Variants in DYRK4 observed in about 807,000 individuals in gnomAD.
DYRK4 encodes the protein dual specificity tyrosine phosphorylation regulated kinase 4.
DYRK4 carries 64 observed loss-of-function variants against 68.3 expected under a neutral mutation model. That is an observed-to-expected ratio of 0.94 (90% CI 0.77 to 1.15). The LOEUF is 1.15. Among genes scored for constraint, DYRK4 ranks in the 50% most tolerant of loss-of-function variants. The pLI is 0.00. For synonymous variants in DYRK4, 274 were observed against 289.9 expected (o/e 0.95, Z 0.56); for missense variants, 740 against 764.7 (o/e 0.97, Z 0.38).
At chr12:4,597,488 A>G (rs1264240959) in intron 8 of DYRK4, among the ~76,000 whole-genome samples, 2 of 152,254 alleles carry the variant, frequency 1.3e-5, no homozygotes, top group African/African-American at 4.8e-5. Flanking sequence ...ATTTCTGGTT[A>G]TTACAAAGCG....
chr12:4,613,378 G>A lies in DYRK4; in HGVS notation c.1667-137G>A. ...TGCTTAGAATAATGCCCGGCACATT[G>A]GAGGTGCTTTACAAATGAACTGTTT... On this transcript the variant is annotated intron_variant, in intron 14 of 14. Transcript: ENST00000543431. The surrounding 1 kb of genome is among the most constrained non-coding windows in gnomAD (Gnocchi z 4.0). 1 of 1,113,204 alleles carries A rather than the reference G, an allele frequency of 9.0e-7. No homozygotes were observed. Among genetic ancestry groups the A allele is most frequent in the East Asian group, 2.5e-5 (1 of 39,412 alleles). 69.0% of individuals were successfully genotyped at this position (1,113,204 alleles called of 1,614,324 possible). A position where few individuals can be genotyped will look rare whatever the true frequency, so the allele number is the denominator to read the frequency against.
chr12:4,596,904 C>A, intron 8 of DYRK4, 175 bp downstream of exon 8: 1 of 1,450,454 alleles, frequency 6.9e-7, no homozygotes, highest in Non-Finnish European at 9.0e-7. Flanking sequence ...TGAAAGCAGG[C>A]CATCTTGGTA....
At chr12:4,573,154 A>G in intron 2 of DYRK4, 1 of 432,862 alleles carries the variant, frequency 2.3e-6, no homozygotes, top group Non-Finnish European at 4.0e-6. Context: ...AACTAGAAGA[A>G]CTTGTAATGA....
intron 2 of DYRK4, among the ~76,000 whole-genome samples, chr12:4,568,872 T>C (rs1362001728): frequency 6.6e-6 from 1 of 152,218 alleles, no homozygotes; most frequent in African/African-American, 2.4e-5. Flanking sequence ...AATTTCTTAG[T>C]TTGTTCAAAA....
At chr12:4,568,614 G>A (rs982704515) in intron 2 of DYRK4, among the ~76,000 whole-genome samples, 2 of 152,090 alleles carry the variant, frequency 1.3e-5, no homozygotes, top group Non-Finnish European at 1.5e-5. Flanking sequence ...TCGAACTCCC[G>A]ACCTCAAGTG....
At chr12:4,565,387 C>T (rs1321522509) in intron 1 of DYRK4, among the ~76,000 whole-genome samples, 1 of 151,994 alleles carries the variant, frequency 6.6e-6, no homozygotes, top group Non-Finnish European at 1.5e-5. Context: ...AATTTAGACC[C>T]CAAAGGGACT....
chr12:4,602,821 C>T (rs1591804857), intron 10 of DYRK4: 5 of 1,372,872 alleles, frequency 3.6e-6, no homozygotes, highest in East Asian at 2.3e-5. Context: ...GTGACAGGAG[C>T]ATATTTTCTT....
intron 10 of DYRK4, chr12:4,603,527 G>A (rs541795797): frequency 2.5e-4 from 54 of 219,936 alleles, no homozygotes; most frequent in Admixed American, 4.7e-4. Context: ...TCACAGAGAC[G>A]GCCAGGGGAG....
intron 2 of DYRK4, among the ~76,000 whole-genome samples, chr12:4,569,871 G>A (rs1944713402): frequency 6.6e-6 from 1 of 151,902 alleles, no homozygotes; most frequent in Admixed American, 6.6e-5. Context: ...TTCAAAGAAA[G>A]CAAACTCTGT....
chr12:4,571,195 G>A (rs1353466089), intron 2 of DYRK4, among the ~76,000 whole-genome samples: 1 of 152,170 alleles, frequency 6.6e-6, no homozygotes, highest in Non-Finnish European at 1.5e-5. Flanking sequence ...TGTTAATTTA[G>A]GATATTACAT....
At chr12:4,572,789 T>A (rs1228116625) in intron 2 of DYRK4, 1 of 154,524 alleles carries the variant, frequency 6.5e-6, no homozygotes, top group Non-Finnish European at 1.4e-5. Flanking sequence ...TGGCACATGT[T>A]GGAAGCCCGA....
In DYRK4 at chr12:4,592,984, G is replaced by A. The variant is rs1305187218; in HGVS notation, c.464-18G>A. 2 of 1,610,436 alleles carry A rather than the reference G, an allele frequency of 1.2e-6. No homozygotes were observed. Among genetic ancestry groups the A allele is most frequent in the East Asian group, 2.2e-5 (1 of 44,800 alleles). ...TGCTGCCTCAACTGAACTCACAATT[G>A]TAGTGTTTTTCACACAGAGGCCCTA... On this transcript the variant is annotated intron_variant, in intron 5 of 14. Coordinates refer to ENST00000543431, the MANE Select transcript of DYRK4 (RefSeq NM_001394779.1).
At chr12:4,586,725 C>G (rs1027686877) in intron 2 of DYRK4, among the ~76,000 whole-genome samples, 1 of 116,518 alleles carries the variant, frequency 8.6e-6, no homozygotes, top group Non-Finnish European at 1.9e-5. Flanking sequence ...CACACACACA[C>G]ACACACAGAC....
chr12:4,590,269 AC>A (rs898704595), intron 3 of DYRK4, 60 bp from the exon 4 acceptor site: 1 of 1,474,332 alleles, frequency 6.8e-7, no homozygotes, highest in African/African-American at 1.4e-5. Context: ...GGAAGAAATG[AC>A]CCCTGGAGAC....
At chr12:4,598,193 G>C (rs1185395464) in intron 8 of DYRK4, among the ~76,000 whole-genome samples, 1 of 152,150 alleles carries the variant, frequency 6.6e-6, no homozygotes, top group Non-Finnish European at 1.5e-5. Flanking sequence ...CTGGACAACA[G>C]AGCAAGACCC....
rs186869551 is a variant in DYRK4, at chr12:4,563,049, C to T, written c.38+766C>T. ...ATCACCAATATTAATTCAAGCTTCACTGTCCAGGCTTAAGTGGAGACTCGG... is the reference window on the plus strand; with the variant it reads ...ATCACCAATATTAATTCAAGCTTCATTGTCCAGGCTTAAGTGGAGACTCGG... On this transcript the variant is annotated intron_variant, in intron 1 of 14. Transcript: ENST00000543431. 67 of 456,048 alleles carry T rather than the reference C, an allele frequency of 1.5e-4. 1 individual carries two copies. In the East Asian group the frequency reaches 3.5e-3, roughly 24 times the overall value. The allele number at this position is 456,048 out of a possible 1,614,324, so 28.3% of individuals were successfully genotyped here.
At chr12:4,587,284 C>G (rs117283870) in intron 2 of DYRK4, among the ~76,000 whole-genome samples, 3,006 of 152,270 alleles carry the variant, frequency 0.02, 38 homozygotes, top group Non-Finnish European at 0.032. Flanking sequence ...CAAGCATGCT[C>G]TCTACCCGTC....
At chr12:4,568,633 G>T (rs555500398) in intron 2 of DYRK4, among the ~76,000 whole-genome samples, 21 of 152,230 alleles carry the variant, frequency 1.4e-4, no homozygotes, top group Admixed American at 1.2e-3. Flanking sequence ...TGATCTGCCC[G>T]CCTCGGCCTC....
chr12:4,591,026 T>C lies in DYRK4; in HGVS notation c.325-134T>C. ...GAGGTAGGGAGAACCTTCTGTCTCT[T>C]AATCGCTGTTTTCTCCCTGGAGAGG... is the stretch of plus-strand genomic sequence containing the variant. On this transcript the variant is annotated intron_variant, in intron 4 of 14. Coordinates refer to ENST00000543431, the MANE Select transcript of DYRK4 (RefSeq NM_001394779.1). This position sits in a 1 kb window ranked among gnomAD's most constrained non-coding sequence, Gnocchi z 4.1. 1.9e-6 allele frequency: 2 copies of C among 1,041,448 alleles called. No individual in the cohort carries two copies. The highest frequency in any genetic ancestry group is 2.7e-6 in the Non-Finnish European group (2 of 727,402). The allele number at this position is 1,041,448 out of a possible 1,614,324, so 64.5% of individuals were successfully genotyped here.
Sources: gnomAD v4.1 joint callset for allele counts (sites outside exome capture counted in the v4.1 genomes callset) on GRCh38, gnomAD v4.1.1 for gene constraint, Gnocchi (gnomAD v3.1) non-coding constraint, MANE v1.5 for transcripts, NCBI Gene and HGNC (gene_info 2026-07-23, HGNC 2026-07-21) for gene names.